The following INSR variants were observed in gnomAD, a reference collection of about 807,000 sequenced individuals.
INSR encodes IR.
Under a neutral mutation model 142.6 loss-of-function variants are expected in INSR, and 67 were observed. That is an observed-to-expected ratio of 0.47 (90% CI 0.39 to 0.58). The LOEUF is 0.58. Ranked by LOEUF, INSR falls within the 20% of genes least tolerant of loss-of-function variation. The pLI is 0.00. For synonymous variants in INSR, 756 were observed against 743.1 expected, an observed-to-expected ratio of 1.02 and a Z score of -0.28; for missense variants, 1,248 against 1,833.2, an observed-to-expected ratio of 0.68 and a Z score of 5.83.
chr19:7,146,914 G>C (rs578097144), intron 11 of INSR, among the ~76,000 whole-genome samples: 2 of 152,246 alleles, frequency 1.3e-5, no homozygotes, highest in South Asian at 4.1e-4. Context: ...CTTCTGGTTT[G>C]TGTTTTCCCT....
In INSR at chr19:7,284,122, T is replaced by C. The variant is rs539848316; in HGVS notation, c.100+9670A>G. 5.4e-4 allele frequency among the ~76,000 whole-genome samples: 82 copies of C among 152,106 alleles called. 1 individual carries two copies. Among genetic ancestry groups the C allele is most frequent in the Admixed American group, 1.2e-3 (18 of 15,254 alleles). Reference sequence around the variant, plus strand: ...CTCTGTTGCCCAGGCTGGAGTGCAGTGGCACCGCCTTGGCTCACTGCAACC... The same window carrying C: ...CTCTGTTGCCCAGGCTGGAGTGCAGCGGCACCGCCTTGGCTCACTGCAACC... On this transcript the variant is annotated intron_variant, in intron 1 of 21. Coordinates refer to ENST00000302850, the MANE Select transcript of INSR (RefSeq NM_000208.4).
intron 2 of INSR, among the ~76,000 whole-genome samples, chr19:7,194,852 T>A (rs1265994985): frequency 1.3e-5 from 2 of 151,994 alleles, no homozygotes; most frequent in Non-Finnish European, 2.9e-5. Context: ...TGTTAGCATT[T>A]CTCTTTTTTC....
intron 2 of INSR, among the ~76,000 whole-genome samples, chr19:7,228,884 G>A (rs1221529382): frequency 1.3e-5 from 2 of 152,150 alleles, no homozygotes; most frequent in Non-Finnish European, 2.9e-5. Context: ...ATAAGTGGAT[G>A]TATGCATGGG....
rs76940160 is a variant in INSR, at chr19:7,229,851, G to A, written c.652+37494C>T. 0.02 allele frequency among the ~76,000 whole-genome samples: 2,822 copies of A among 144,574 alleles called. 200 individuals are homozygous for A. In the East Asian group the frequency reaches 0.23, roughly 12 times the overall value. 94.8% of individuals were successfully genotyped at this position (144,574 alleles called of 152,430 possible). A position where few individuals can be genotyped will look rare whatever the true frequency, so the allele number is the denominator to read the frequency against. On this transcript the variant is annotated intron_variant, in intron 2 of 21. Transcript: ENST00000302850. ...CACAGTCATGGCTCACTGCAGCCTC[G>A]AACTCCTGGAGTCAAGTGATGCTCC...
intron 2 of INSR, among the ~76,000 whole-genome samples, chr19:7,207,604 A>G (rs1206387311): frequency 6.6e-6 from 1 of 150,568 alleles, no homozygotes; most frequent in Non-Finnish European, 1.5e-5. Flanking sequence ...GAGTTTCCCC[A>G]CTTATGTCTC....
intron 2 of INSR, among the ~76,000 whole-genome samples, chr19:7,259,256 C>T (rs1242919353): frequency 6.6e-6 from 1 of 151,496 alleles, no homozygotes; most frequent in Non-Finnish European, 1.5e-5. Flanking sequence ...ATCTATAAGA[C>T]ACAAAGGTAA....
chr19:7,274,519 G>A (rs182300760), intron 1 of INSR, among the ~76,000 whole-genome samples: 178 of 151,728 alleles, frequency 1.2e-3, no homozygotes, highest in African/African-American at 4.1e-3. Flanking sequence ...TTGATTTGTC[G>A]CCCAGGCGTG....
At chr19:7,181,702 T>C (rs1974279175) in intron 3 of INSR, among the ~76,000 whole-genome samples, 1 of 152,022 alleles carries the variant, frequency 6.6e-6, no homozygotes, top group Admixed American at 6.6e-5. Flanking sequence ...CCCGAGTAGC[T>C]GGGATAACAG....
chr19:7,247,125 G>A (rs1976561743), intron 2 of INSR, among the ~76,000 whole-genome samples: 1 of 152,196 alleles, frequency 6.6e-6, no homozygotes, highest in Non-Finnish European at 1.5e-5. Flanking sequence ...CATGGCTTAA[G>A]TGAATCCAAA....
chr19:7,176,820 C>G (rs1260224602), intron 3 of INSR, among the ~76,000 whole-genome samples: 3 of 152,150 alleles, frequency 2.0e-5, no homozygotes, highest in Non-Finnish European at 4.4e-5. Flanking sequence ...TTCTTTATAG[C>G]AGTGCAGAAA....
chr19:7,195,439 TC>T (rs1384637033), intron 2 of INSR, among the ~76,000 whole-genome samples: 1 of 152,006 alleles, frequency 6.6e-6, no homozygotes, highest in Non-Finnish European at 1.5e-5. Context: ...GATCAGGAGT[TC>T]GAGACCAGCC....
intron 11 of INSR, among the ~76,000 whole-genome samples, chr19:7,147,753 C>T (rs1255260932): frequency 1.3e-5 from 2 of 152,092 alleles, no homozygotes; most frequent in Non-Finnish European, 2.9e-5. Context: ...AAATGGGTCT[C>T]GTGAAAATAA....
At chr19:7,250,739 A>G (rs2145174255) in intron 2 of INSR, among the ~76,000 whole-genome samples, 1 of 152,258 alleles carries the variant, frequency 6.6e-6, no homozygotes, top group African/African-American at 2.4e-5. Flanking sequence ...CCATGTGCAA[A>G]CGAACAGCAT....
chr19:7,207,286 T>C (rs8109040), intron 2 of INSR, among the ~76,000 whole-genome samples: 1 of 151,822 alleles, frequency 6.6e-6, no homozygotes, highest in Admixed American at 6.6e-5. Context: ...CATGGTGGCA[T>C]GCACCTGTAA....
At chr19:7,187,363 T>G (rs1482768895) in intron 2 of INSR, among the ~76,000 whole-genome samples, 1 of 152,140 alleles carries the variant, frequency 6.6e-6, no homozygotes, top group Admixed American at 6.6e-5. Flanking sequence ...ATTACAGGTG[T>G]GAGCCACTGT....
At chr19:7,287,617 T>G (rs1317311383) in intron 1 of INSR, among the ~76,000 whole-genome samples, 1 of 152,160 alleles carries the variant, frequency 6.6e-6, no homozygotes, top group Non-Finnish European at 1.5e-5. Context: ...TAAATACACA[T>G]GGCTAAGTAG....
intron 1 of INSR, among the ~76,000 whole-genome samples, chr19:7,293,148 G>GT (rs1300754500): frequency 1.3e-5 from 2 of 152,000 alleles, no homozygotes; most frequent in Non-Finnish European, 2.9e-5. Context: ...AATAAATAGG[G>GT]TAAAAAACCG....
intron 2 of INSR, among the ~76,000 whole-genome samples, chr19:7,229,833 A>G (rs928120590): frequency 2.1e-5 from 3 of 139,854 alleles, no homozygotes; most frequent in Non-Finnish European, 4.5e-5. Flanking sequence ...TGGCACAGTC[A>G]TGGCTCACTG....
At chr19:7,137,435 C>T (rs1972958694) in intron 13 of INSR, among the ~76,000 whole-genome samples, 1 of 151,964 alleles carries the variant, frequency 6.6e-6, no homozygotes, top group African/African-American at 2.4e-5. Flanking sequence ...TTTGGAACCA[C>T]TACAACCACC....
Sources: gnomAD v4.1 joint callset for allele counts (sites outside exome capture counted in the v4.1 genomes callset) on GRCh38, gnomAD v4.1.1 for gene constraint, MANE v1.5 for transcripts, NCBI Gene and HGNC (gene_info 2026-07-23, HGNC 2026-07-21) for gene names.